MAP4K1: variants seen among roughly 807,000 people sequenced by gnomAD.
MAP4K1 encodes mitogen-activated protein kinase kinase kinase kinase 1.
MAP4K1 carries 35 observed loss-of-function variants against 122.8 expected under a neutral mutation model. The ratio of observed to expected loss-of-function variants is 0.29; its 90% CI spans 0.22 to 0.38. The LOEUF is 0.38. Ranked by LOEUF, MAP4K1 falls within the 10% of genes least tolerant of loss-of-function variation. MAP4K1 has a pLI of 1.00. For missense variants in MAP4K1, 791 were observed against 1,072.6 expected, an observed-to-expected ratio of 0.74 and a Z score of 3.67; for synonymous variants, 412 against 421.3, an observed-to-expected ratio of 0.98 and a Z score of 0.27.
chr19:38,593,575 C>T (rs1279253491), intron 29 of MAP4K1, among the ~76,000 whole-genome samples: 1 of 152,166 alleles, frequency 6.6e-6, no homozygotes, highest in Non-Finnish European at 1.5e-5. Flanking sequence ...TGGTGGTGCG[C>T]GCCTATAGTC....
Position 38,602,763 on chromosome 19 carries a change from CATAT to C in MAP4K1, c.1447-1242_1447-1239del, listed in dbSNP as rs200789879. ...ATATATACACATGTACATATATACG[CATAT>C]ACATATATACACATATACATATATA... On this transcript the variant is annotated intron_variant, in intron 19 of 30. Coordinates refer to ENST00000396857, the MANE Select transcript of MAP4K1 (RefSeq NM_001042600.3). Among the ~76,000 whole-genome samples the C allele has an allele frequency of 8.3e-3, 1,215 of 146,712 alleles. 23 individuals are homozygous for C. The highest frequency in any genetic ancestry group is 0.029 in the African/African-American group (1,142 of 39,522).
At position 38,593,683 on chromosome 19, in the gene MAP4K1, G is replaced by A. The variant is rs17847686; in HGVS notation, c.2341-346C>T. On this transcript the variant is annotated intron_variant, in intron 29 of 30. Coordinates refer to ENST00000396857, the MANE Select transcript of MAP4K1 (RefSeq NM_001042600.3). ...CGCCACTGGGCGTGCCACTGGAGCC[G>A]AGATCTCCAGCTGAGATAATTTTTG... 8.0e-3 allele frequency among the ~76,000 whole-genome samples: 1,225 copies of A among 152,312 alleles called. 30 individuals are homozygous for A. Among genetic ancestry groups the A allele is most frequent in the East Asian group, 0.059 (304 of 5,186 alleles).
At chr19:38,606,914 G>A (rs1248510760) in intron 16 of MAP4K1, among the ~76,000 whole-genome samples, 2 of 152,144 alleles carry the variant, frequency 1.3e-5, no homozygotes, top group African/African-American at 2.4e-5. Context: ...AGCCTGACTC[G>A]GCCTGTGGGC....
At position 38,609,963 on chromosome 19, in the gene MAP4K1, C is replaced by T. The variant is rs1975446620; in HGVS notation, c.873G>A (p.Leu291=). ...RGLILDLLDK[L]KNPGKGPSIG... ...TGGAGGGTCCTTTCCCGGGATTCTTCAGTTTGTCAAGAAGATCCAGGATCA... is the reference window on the plus strand; with the variant it reads ...TGGAGGGTCCTTTCCCGGGATTCTTTAGTTTGTCAAGAAGATCCAGGATCA... The change falls in exon 12 of 31, where the codon CTG becomes CTA. Residue 291 remains leucine, a synonymous_variant. Transcript: ENST00000396857. 2 of 1,614,082 alleles carry T rather than the reference C, an allele frequency of 1.2e-6. No homozygotes were observed. The highest frequency in any genetic ancestry group is 1.3e-5 in the African/African-American group (1 of 74,944).
intron 30 of MAP4K1, among the ~76,000 whole-genome samples, chr19:38,590,212 G>A (rs1387992088): frequency 6.6e-6 from 1 of 150,584 alleles, no homozygotes; most frequent in African/African-American, 2.4e-5. Flanking sequence ...AATTCAGAAC[G>A]TGGAAACCTC....
At position 38,595,513 on chromosome 19, in the gene MAP4K1, A is replaced by G; in HGVS notation, c.2312T>C (p.Val771Ala). The change falls in exon 29 of 31, where the codon GTG (valine) becomes GCG (alanine). Residue 771 changes from valine to alanine, a missense_variant. Val to Ala is a moderately conservative substitution (Grantham distance 64). Transcript: ENST00000396857. Reference sequence around the variant, plus strand: ...ATCCGAGCCTAGAGCCCACACCTGCACTCCATGCTTCCAGAAGGCCTGAAG... The same window carrying G: ...ATCCGAGCCTAGAGCCCACACCTGCGCTCCATGCTTCCAGAAGGCCTGAAG... Reference protein sequence around the residue: ...GQLQAFWKHGVQVWALGSDQL... With the variant: ...GQLQAFWKHGAQVWALGSDQL... The G allele has an allele frequency of 6.2e-7, 1 of 1,613,966 alleles. No individual in the cohort carries two copies. Among genetic ancestry groups the G allele is most frequent in the Non-Finnish European group, 8.5e-7 (1 of 1,180,008 alleles).
rs750192583 is a variant in MAP4K1, at chr19:38,593,348, AAAGT to A, written c.2341-15_2341-12del. 1 of 1,605,496 alleles carries A rather than the reference AAAGT, an allele frequency of 6.2e-7. No individual in the cohort carries two copies. Among genetic ancestry groups the A allele is most frequent in the Admixed American group, 1.7e-5 (1 of 58,928 alleles). ...CAGCTCCTGTAGCAGCTAGGGAAAA[AAAGT>A]GTGTGTCTCAGTGCCTGGAAGATAC... On this transcript the variant is annotated splice_polypyrimidine_tract_variant and intron_variant, in intron 29 of 30. Coordinates refer to ENST00000396857, the MANE Select transcript of MAP4K1 (RefSeq NM_001042600.3).
Position 38,608,816 on chromosome 19 carries a change from A to C in MAP4K1, c.1007-646T>G, listed in dbSNP as rs1435299351. 2.7e-5 allele frequency among the ~76,000 whole-genome samples: 4 copies of C among 148,732 alleles called. No homozygotes were observed. In the Admixed American group the frequency reaches 2.7e-4, roughly 10 times the overall value. On this transcript the variant is annotated intron_variant, in intron 13 of 30. Transcript: ENST00000396857. ...CTCCGTCTCAAAAAAAAAAAAAAAA[A>C]AAAAAAAAAAAAACATTAGCCACGC...
At chr19:38,598,287 T>C (rs939461852) in intron 22 of MAP4K1, among the ~76,000 whole-genome samples, 1 of 152,006 alleles carries the variant, frequency 6.6e-6, no homozygotes, top group Non-Finnish European at 1.5e-5. Context: ...CGCCTCGGCC[T>C]CCCAAAGTGT....
At chr19:38,611,328 T>G in intron 9 of MAP4K1, 23 bp from the exon 10 acceptor site, 1 of 1,576,074 alleles carries the variant, frequency 6.3e-7, no homozygotes, top group South Asian at 1.1e-5. Context: ...GGAAAGGACA[T>G]GGGGTTCAGA....
chr19:38,591,747 G>A (rs1974733539), intron 30 of MAP4K1, among the ~76,000 whole-genome samples: 1 of 151,982 alleles, frequency 6.6e-6, no homozygotes, highest in Admixed American at 6.6e-5. Flanking sequence ...GAGGCGGGCA[G>A]ATCACCTGAG....
intron 26 of MAP4K1, 142 bp from the exon 27 acceptor site, chr19:38,596,143 C>T (rs1370830480): frequency 7.8e-7 from 1 of 1,280,842 alleles, no homozygotes; most frequent in Non-Finnish European, 1.1e-6. Context: ...ATCCCGGTCC[C>T]ACCCCATCAT....
Position 38,605,499 on chromosome 19 carries a change from G to T in MAP4K1, c.1364-8C>A. The T allele has an allele frequency of 6.4e-7, 1 of 1,573,220 alleles. No individual in the cohort carries two copies. The highest frequency in any genetic ancestry group is 1.9e-5 in the Admixed American group (1 of 53,276). On this transcript the variant is annotated splice_region_variant and splice_polypyrimidine_tract_variant and intron_variant, in intron 18 of 30. Coordinates refer to ENST00000396857, the MANE Select transcript of MAP4K1 (RefSeq NM_001042600.3). ...GGTTCCAGAGTGAGGGTTCTGAGAG[G>T]GGTTAGGAGAAAATCAGCCCCCAAG... is the stretch of plus-strand genomic sequence containing the variant.
intron 20 of MAP4K1, among the ~76,000 whole-genome samples, chr19:38,600,892 G>GC (rs1314760459): frequency 7.2e-6 from 1 of 139,440 alleles, no homozygotes; most frequent in African/African-American, 2.7e-5. Flanking sequence ...TGCAACTTCC[G>GC]CCCCCTGGAT....
intron 25 of MAP4K1, 101 bp from the exon 26 acceptor site, chr19:38,596,587 A>T: frequency 1.0e-6 from 1 of 996,842 alleles, no homozygotes; most frequent in South Asian, 1.8e-5. Context: ...CCAGGGCCCT[A>T]AGTCTTGGGG....
intron 3 of MAP4K1, among the ~76,000 whole-genome samples, chr19:38,616,844 G>A (rs1975660287): frequency 6.6e-6 from 1 of 152,160 alleles, no homozygotes; most frequent in Admixed American, 6.6e-5. Flanking sequence ...GCTCTGGTCA[G>A]AAAAGTGGGA....
rs541551238 is a variant in MAP4K1 at position 38,601,050 on chromosome 19, C to CCCGCCT, written c.1531+385_1531+390dup. The stretch of plus-strand genomic sequence containing the variant: ...CAAACTCCTGACCTCAAATGATCCG[C>CCCGCCT]CCGCCTCCGCCTCCCAAAGTGCTGG... On this transcript the variant is annotated intron_variant, in intron 20 of 30. Coordinates refer to ENST00000396857, the MANE Select transcript of MAP4K1 (RefSeq NM_001042600.3). Among the ~76,000 whole-genome samples the CCCGCCT allele has an allele frequency of 3.9e-3, 596 of 152,220 alleles. 3 individuals are homozygous for CCCGCCT. The highest frequency in any genetic ancestry group is 0.014 in the African/African-American group (561 of 41,538).
Position 38,607,894 on chromosome 19 carries a change from G to A in MAP4K1, c.1127C>T (p.Ser376Leu), listed in dbSNP as rs568136374. Residue 376 changes from serine to leucine, a missense_variant, in exon 16 of 31, where the codon TCG becomes TTG. Physicochemically the swap from Ser to Leu is moderately radical, Grantham distance 145. Coordinates refer to ENST00000396857, the MANE Select transcript of MAP4K1 (RefSeq NM_001042600.3). ...SSSPRKQLSE[S>L]SDDDYDDVDI... ...CACGTCGTCATAGTCATCGTCAGACGACTCTGACAGTTGCTTCCTGAAGGG... is the reference window on the plus strand; with the variant it reads ...CACGTCGTCATAGTCATCGTCAGACAACTCTGACAGTTGCTTCCTGAAGGG... 52 of 1,612,260 alleles carry A rather than the reference G, an allele frequency of 3.2e-5. No homozygotes were observed. Among genetic ancestry groups the A allele is most frequent in the African/African-American group, 6.7e-5 (5 of 74,968 alleles).
chr19:38,603,321 TAC>T (rs1975211690), intron 19 of MAP4K1, among the ~76,000 whole-genome samples: 2 of 151,166 alleles, frequency 1.3e-5, no homozygotes, highest in South Asian at 4.2e-4. Flanking sequence ...TATACACATG[TAC>T]ATATATACGC....
Sources: allele counts gnomAD v4.1 joint callset (sites outside exome capture counted in the v4.1 genomes callset), GRCh38; gene constraint gnomAD v4.1.1; transcripts MANE v1.5; gene names NCBI Gene and HGNC (gene_info 2026-07-23, HGNC 2026-07-21).